The following MEF2A variants were observed in gnomAD, a reference collection of about 807,000 sequenced individuals.
MEF2A encodes the protein myocyte enhancer factor 2A.
MEF2A carries 28 observed loss-of-function variants against 55.8 expected under a neutral mutation model. That is an observed-to-expected ratio of 0.50 (90% CI 0.37 to 0.69). The LOEUF is 0.69. Among genes scored for constraint, MEF2A ranks in the 30% least tolerant of loss-of-function variants. The probability of loss-of-function intolerance (pLI) is 0.00; values close to 1 mark genes in which losing one functional copy is unlikely to be tolerated. For synonymous variants in MEF2A, 239 were observed against 227.1 expected (o/e 1.05, Z -0.47); for missense variants, 528 against 626.2 (o/e 0.84, Z 1.67).
Position 99,645,707 on chromosome 15 carries a change from C to T in MEF2A, c.201C>T (p.Leu67=). The stretch of plus-strand genomic sequence containing the variant: ...GCACTGATATGGACAAAGTTCTTCT[C>T]AAGTATACAGAATATAATGAACCTC... ...YASTDMDKVL[L]KYTEYNEPHE... Residue 67 remains leucine, a synonymous_variant, in exon 4 of 12, where the codon CTC becomes CTT. Coordinates refer to ENST00000557942, the MANE Select transcript of MEF2A (RefSeq NM_001319206.4). 1.2e-6 allele frequency: 2 copies of T among 1,613,180 alleles called. No individual in the cohort carries two copies. Among genetic ancestry groups the T allele is most frequent in the Non-Finnish European group, 1.7e-6 (2 of 1,179,490 alleles).
intron 4 of MEF2A, among the ~76,000 whole-genome samples, chr15:99,646,103 CTT>C (rs201357954): frequency 0.021 from 3,220 of 152,158 alleles, 108 homozygotes; most frequent in African/African-American, 0.07. Context: ...TTTGGTATGT[CTT>C]AATCATTTCA....
intron 4 of MEF2A, among the ~76,000 whole-genome samples, chr15:99,664,724 C>T (rs771202458): frequency 4.6e-5 from 7 of 151,932 alleles, no homozygotes; most frequent in Non-Finnish European, 8.8e-5. Flanking sequence ...AAGGAGAGAC[C>T]GGTTTAATAA....
chr15:99,683,502 G>A (rs1384467136), intron 7 of MEF2A, among the ~76,000 whole-genome samples: 1 of 152,072 alleles, frequency 6.6e-6, no homozygotes, highest in Non-Finnish European at 1.5e-5. Context: ...CACCTCTGCG[G>A]CTCAGGCAAT....
chr15:99,712,599 G>A lies in MEF2A; in HGVS notation c.1346G>A (p.Gly449Glu). Residue 449 changes from glycine (G) to glutamate (E), a missense_variant, in exon 12 of 12, where the codon GGG becomes GAG. Around this residue, in one of 2 missense-constraint regions of MEF2A, gnomAD observed 450 missense variants for 475.3 expected, o/e 0.95. Coordinates refer to ENST00000557942, the MANE Select transcript of MEF2A (RefSeq NM_001319206.4). This position sits in a 1 kb window ranked among gnomAD's most constrained non-coding sequence, Gnocchi z 4.1. ...PPQPQPRQEM[G>E]RSPVDSLSSS... ...CAGCCCCAGCCCCGACAGGAAATGG[G>A]GCGCTCCCCTGTGGACAGTCTGAGC... is the stretch of plus-strand genomic sequence containing the variant. 6.4e-7 allele frequency: 1 copy of A among 1,551,712 alleles called. No individual in the cohort carries two copies. Among genetic ancestry groups the A allele is most frequent in the Non-Finnish European group, 8.7e-7 (1 of 1,147,016 alleles).
intron 1 of MEF2A, among the ~76,000 whole-genome samples, chr15:99,596,794 T>G (rs1971322800): frequency 1.3e-5 from 2 of 152,246 alleles, no homozygotes; most frequent in Admixed American, 1.3e-4. Context: ...GCTGGATTAT[T>G]GTTTGTGCAC....
chr15:99,675,000 CTTCA>C (rs999653202), intron 6 of MEF2A, among the ~76,000 whole-genome samples: 6 of 152,152 alleles, frequency 3.9e-5, no homozygotes, highest in African/African-American at 1.4e-4. Flanking sequence ...GCCTGAATTA[CTTCA>C]TTAATTCAGC....
chr15:99,572,216 A>G (rs1962628946), intron 1 of MEF2A, among the ~76,000 whole-genome samples: 1 of 152,044 alleles, frequency 6.6e-6, no homozygotes, highest in South Asian at 2.1e-4. Context: ...CATGTCAGCC[A>G]CGAAGGCCTC....
intron 1 of MEF2A, among the ~76,000 whole-genome samples, chr15:99,585,552 G>A (rs1463601354): frequency 2.0e-5 from 3 of 152,046 alleles, no homozygotes; most frequent in Admixed American, 6.5e-5. Flanking sequence ...GGCTTTTACT[G>A]TAATATTTGC....
Position 99,633,068 on chromosome 15 carries a change from A to T in MEF2A, c.-52A>T. The T allele has an allele frequency of 1.3e-6, 2 of 1,490,836 alleles. No individual in the cohort carries two copies. Among genetic ancestry groups the T allele is most frequent in the Non-Finnish European group, 1.8e-6 (2 of 1,086,558 alleles). 92.4% of individuals were successfully genotyped at this position (1,490,836 alleles called of 1,614,324 possible). A position where few individuals can be genotyped will look rare whatever the true frequency, so the allele number is the denominator to read the frequency against. Reference sequence around the variant, plus strand: ...TGCATTAGGGTATTGAAGAAAATTAACTTTTGAATTAAATATTTGGAATAT... The same window carrying T: ...TGCATTAGGGTATTGAAGAAAATTATCTTTTGAATTAAATATTTGGAATAT... On this transcript the variant is annotated 5_prime_UTR_variant, in exon 3 of 12. Coordinates refer to ENST00000557942, the MANE Select transcript of MEF2A (RefSeq NM_001319206.4).
At chr15:99,661,895 T>C (rs1037823074) in intron 4 of MEF2A, among the ~76,000 whole-genome samples, 1 of 152,128 alleles carries the variant, frequency 6.6e-6, no homozygotes, top group African/African-American at 2.4e-5. Flanking sequence ...GTCTGTCTGT[T>C]GTAGAATGGA....
chr15:99,600,517 A>G (rs535142566), intron 2 of MEF2A, among the ~76,000 whole-genome samples: 1 of 152,262 alleles, frequency 6.6e-6, no homozygotes, highest in South Asian at 2.1e-4. Context: ...GCTTTCCTTC[A>G]TGTCTTGGAA....
intron 2 of MEF2A, among the ~76,000 whole-genome samples, chr15:99,612,376 C>G (rs2039423327): frequency 6.6e-6 from 1 of 151,996 alleles, no homozygotes; most frequent in Non-Finnish European, 1.5e-5. Context: ...GAGATCACAC[C>G]ACTCACTCCA....
rs144909359 is a variant in MEF2A, at chr15:99,603,346, A to G, written c.-143+4835A>G. Among the ~76,000 whole-genome samples, 1,002 of 151,688 alleles carry G rather than the reference A, an allele frequency of 6.6e-3. 13 individuals carry two copies. The highest frequency in any genetic ancestry group is 0.022 in the African/African-American group (899 of 41,342). ...AACTTGTGGAGATTTATTATAAGACACAGTTGTGGTGGTCTGTGTTAGTAA... is the reference window on the plus strand; with the variant it reads ...AACTTGTGGAGATTTATTATAAGACGCAGTTGTGGTGGTCTGTGTTAGTAA... On this transcript the variant is annotated intron_variant, in intron 2 of 11. Transcript: ENST00000557942.
At chr15:99,651,212 A>G (rs1392488876) in intron 4 of MEF2A, among the ~76,000 whole-genome samples, 5 of 152,064 alleles carry the variant, frequency 3.3e-5, no homozygotes, top group Admixed American at 2.0e-4. Context: ...CTTCTTTGAG[A>G]GGTGTGGTGG....
At position 99,632,966 on chromosome 15, in the gene MEF2A, G is replaced by A; in HGVS notation, c.-142-12G>A. 2 of 564,134 alleles carry A rather than the reference G, an allele frequency of 3.5e-6. No homozygotes were observed. The allele number at this position is 564,134 out of a possible 1,614,324, so 34.9% of individuals were successfully genotyped here. A position where few individuals can be genotyped will look rare whatever the true frequency, so the allele number is the denominator to read the frequency against. On this transcript the variant is annotated splice_polypyrimidine_tract_variant and intron_variant, in intron 2 of 11. Transcript: ENST00000557942. ...ACAGATTTTAAATCTTCTAATTTGT[G>A]TTTTCTTTTAGATCTTGTAGAAAAT...
intron 1 of MEF2A, among the ~76,000 whole-genome samples, chr15:99,575,651 C>T (rs534079241): frequency 1.3e-5 from 2 of 152,302 alleles, no homozygotes; most frequent in East Asian, 3.9e-4. Context: ...CACTTGGAGA[C>T]TGAAAATTTC....
chr15:99,572,013 G>GTTTTTTTTTTTT (rs36027608), intron 1 of MEF2A, among the ~76,000 whole-genome samples: 3 of 128,374 alleles, frequency 2.3e-5, no homozygotes, highest in Non-Finnish European at 3.3e-5. Context: ...CTCCATAGAA[G>GTTTTTTTTTTTT]TTTTTTTTTT....
chr15:99,609,686 C>T (rs1371492511), intron 2 of MEF2A, among the ~76,000 whole-genome samples: 3 of 152,034 alleles, frequency 2.0e-5, no homozygotes, highest in Non-Finnish European at 4.4e-5. Context: ...TTAATTAAAA[C>T]ATCTTAGTTT....
chr15:99,712,504 CCAGCAGCAGCAGCAG>C lies in MEF2A; in HGVS notation c.1271_1285del (p.Gln424_Gln428del), dbSNP rs3138597. The stretch of plus-strand genomic sequence containing the variant: ...GGGATCGTATGACCCCATCGGGCTT[CCAGCAGCAGCAGCAG>C]CAGCAGCAGCAGCAGCAGCCGCCGC... On this transcript the variant is annotated inframe_deletion, in exon 12 of 12. Transcript: ENST00000557942. The surrounding 1 kb of genome is among the most constrained non-coding windows in gnomAD (Gnocchi z 4.1). 5.7e-3 allele frequency: 8,707 copies of C among 1,531,508 alleles called. 84 individuals are homozygous for C. Among genetic ancestry groups the C allele is most frequent in the South Asian group, 0.032 (2,671 of 82,792 alleles). 94.9% of individuals were successfully genotyped at this position (1,531,508 alleles called of 1,614,324 possible).
Sources: gnomAD v4.1 joint callset for allele counts (sites outside exome capture counted in the v4.1 genomes callset) on GRCh38, gnomAD v4.1.1 for gene constraint, gnomAD v4.1.1 regional missense constraint, Gnocchi (gnomAD v3.1) non-coding constraint, MANE v1.5 for transcripts, NCBI Gene and HGNC (gene_info 2026-07-23, HGNC 2026-07-21) for gene names.